Variants in CPSF2 observed in about 807,000 individuals in gnomAD.
CPSF2 encodes cleavage and polyadenylation specific factor 2, also known as cleavage and polyadenylation specificity factor subunit 2.
In CPSF2, 51 loss-of-function variants were observed where a neutral mutation model predicts 84.2. The ratio of observed to expected loss-of-function variants is 0.61; its 90% CI spans 0.48 to 0.77. CPSF2 has a LOEUF of 0.77. CPSF2 is among the 30% of genes least tolerant of loss of function. The pLI, the probability that CPSF2 is intolerant of heterozygous loss-of-function variation, is 0.00. For missense variants in CPSF2, 641 were observed against 929.4 expected, an observed-to-expected ratio of 0.69 and a Z score of 4.03; for synonymous variants, 286 against 311.9, an observed-to-expected ratio of 0.92 and a Z score of 0.87.
At chr14:92,159,953 G>GT (rs35509016) in intron 14 of CPSF2, among the ~76,000 whole-genome samples, 39,286 of 147,974 alleles carry the variant, frequency 0.27, 5,417 homozygotes, top group East Asian at 0.56. Context: ...AAGTCATACT[G>GT]TTTTTTTTTT....
At chr14:92,155,709 A>G (rs1269025614) in intron 11 of CPSF2, among the ~76,000 whole-genome samples, 1 of 151,698 alleles carries the variant, frequency 6.6e-6, no homozygotes, top group African/African-American at 2.4e-5. Flanking sequence ...TGGGAGGATC[A>G]CTTGAGCTCA....
intron 3 of CPSF2, among the ~76,000 whole-genome samples, chr14:92,131,336 C>T (rs1318231055): frequency 6.6e-6 from 1 of 152,108 alleles, no homozygotes; most frequent in African/African-American, 2.4e-5. Flanking sequence ...TGAAATTCAG[C>T]AAAATCTTAA....
Position 92,156,711 on chromosome 14 carries a change from C to T in CPSF2, c.1595+80C>T, listed in dbSNP as rs182865871. On this transcript the variant is annotated intron_variant, in intron 12 of 15. Transcript: ENST00000298875. ...TTGAATTATATAATTTACATTATGT[C>T]AAGCAAAATTTCTGAATATTCTTTA... 8.6e-4 allele frequency: 885 copies of T among 1,025,704 alleles called. 1 individual carries two copies. Among genetic ancestry groups the T allele is most frequent in the Middle Eastern group, 1.0e-3 (3 of 2,938 alleles). 63.5% of individuals were successfully genotyped at this position (1,025,704 alleles called of 1,614,324 possible). A position where few individuals can be genotyped will look rare whatever the true frequency, so the allele number is the denominator to read the frequency against.
chr14:92,131,102 T>A lies in CPSF2; in HGVS notation c.118T>A (p.Phe40Ile), dbSNP rs1193176660. The stretch of plus-strand genomic sequence containing the variant: ...ATTGGACTGTGGCTGGGATGAGCAC[T>A]TTTCTATGGATATTATTGATTCCCT... Reference protein sequence around the residue: ...FLLDCGWDEHFSMDIIDSLRK... With the variant: ...FLLDCGWDEHISMDIIDSLRK... Residue 40 changes from phenylalanine (F) to isoleucine (I), a missense_variant, in exon 3 of 16, where the codon TTT (phenylalanine) becomes ATT (isoleucine). Around this residue, in one of 2 missense-constraint regions of CPSF2, gnomAD observed 211 missense variants for 375.7 expected, o/e 0.56. Coordinates refer to ENST00000298875, the MANE Select transcript of CPSF2 (RefSeq NM_017437.3). 1 of 1,609,960 alleles carries A rather than the reference T, an allele frequency of 6.2e-7. No homozygotes were observed. The highest frequency in any genetic ancestry group is 8.5e-7 in the Non-Finnish European group (1 of 1,178,768).
intron 5 of CPSF2, 51 bp downstream of exon 5, chr14:92,134,406 C>A: frequency 1.7e-6 from 2 of 1,208,866 alleles, no homozygotes; most frequent in African/African-American, 1.5e-5. Flanking sequence ...GTTTAACTTG[C>A]TGGAAAATAC....
chr14:92,122,124 A>ACGAGGCAAGTGAGGGCGGGAGAAAGGAG lies in CPSF2; in HGVS notation c.-94+1_-94+28dup. 1 of 394,052 alleles carries ACGAGGCAAGTGAGGGCGGGAGAAAGGAG rather than the reference A, an allele frequency of 2.5e-6. No individual in the cohort carries two copies. Among genetic ancestry groups the ACGAGGCAAGTGAGGGCGGGAGAAAGGAG allele is most frequent in the Non-Finnish European group, 4.8e-6 (1 of 208,478 alleles). The allele number at this position is 394,052 out of a possible 1,614,324, so 24.4% of individuals were successfully genotyped here. On this transcript the variant is annotated 5_prime_UTR_variant, in exon 1 of 16. Transcript: ENST00000298875. ...TGTGGACGGCGTTGGGGGAGGCCTG[A>ACGAGGCAAGTGAGGGCGGGAGAAAGGAG]CGAGGCAAGTGAGGGCGGGAGAAAG...
chr14:92,154,977 CTA>C, intron 10 of CPSF2, 144 bp from the exon 11 acceptor site: 1 of 601,832 alleles, frequency 1.7e-6, no homozygotes, highest in Non-Finnish European at 2.9e-6. Flanking sequence ...TATATGTGGT[CTA>C]TTGTTGTTGA....
intron 1 of CPSF2, among the ~76,000 whole-genome samples, chr14:92,122,725 G>T (rs2068790072): frequency 6.6e-6 from 1 of 152,160 alleles, no homozygotes; most frequent in Admixed American, 6.5e-5. Flanking sequence ...GTGCTCTTTA[G>T]AAAAGAAGAG....
At chr14:92,125,947 T>G (rs997550671) in intron 1 of CPSF2, among the ~76,000 whole-genome samples, 175 bp from the exon 2 acceptor site, 3 of 152,338 alleles carry the variant, frequency 2.0e-5, no homozygotes, top group African/African-American at 7.2e-5. Context: ...TTATCTGTTA[T>G]GTAAGCTTAA....
chr14:92,143,185 A>G lies in CPSF2; in HGVS notation c.1031A>G (p.Gln344Arg). The G allele has an allele frequency of 6.2e-7, 1 of 1,614,104 alleles. No homozygotes were observed. The highest frequency in any genetic ancestry group is 8.5e-7 in the Non-Finnish European group (1 of 1,179,998). ...GGATTTTCAAGGGATCTCTTTATTC[A>G]GTGGTGTCAGGACCCTAAAAACTCA... ...ECGFSRDLFI[Q>R]WCQDPKNSII... is the part of the protein sequence containing the mutation. Residue 344 changes from glutamine (Q) to arginine (R), a missense_variant, in exon 9 of 16, where the codon CAG (glutamine) becomes CGG (arginine). By Grantham distance (43) the Gln-to-Arg change is conservative. Around this residue, in one of 2 missense-constraint regions of CPSF2, gnomAD observed 430 missense variants for 553.6 expected, o/e 0.78. Transcript: ENST00000298875.
chr14:92,159,694 A>G (rs576479625), intron 14 of CPSF2, among the ~76,000 whole-genome samples: 2 of 152,280 alleles, frequency 1.3e-5, no homozygotes, highest in Admixed American at 6.5e-5. Context: ...TTGAACATAA[A>G]ATATGTCTCA....
chr14:92,138,447 TGAGACGGA>T (rs1484319935), intron 7 of CPSF2, 100 bp downstream of exon 7: 1 of 559,040 alleles, frequency 1.8e-6, no homozygotes, highest in Non-Finnish European at 2.9e-6. Flanking sequence ...TTTTTTTTTT[TGAGACGGA>T]CTTTCGCTCT....
At chr14:92,140,232 G>A (rs1034703916) in intron 7 of CPSF2, among the ~76,000 whole-genome samples, 35 of 151,826 alleles carry the variant, frequency 2.3e-4, no homozygotes, top group Admixed American at 1.6e-3. Flanking sequence ...GATTACAGGC[G>A]TGAGCCACCG....
intron 7 of CPSF2, among the ~76,000 whole-genome samples, chr14:92,139,117 T>C (rs2069039503): frequency 6.6e-6 from 1 of 152,134 alleles, no homozygotes; most frequent in African/African-American, 2.4e-5. Flanking sequence ...TAGAAAAATA[T>C]ACTCTAAAAG....
intron 9 of CPSF2, among the ~76,000 whole-genome samples, chr14:92,144,315 G>A (rs918951331): frequency 5.9e-5 from 9 of 151,916 alleles, no homozygotes; most frequent in Admixed American, 1.3e-4. Flanking sequence ...CTTTTCCTTC[G>A]TCTTACCTCA....
intron 6 of CPSF2, among the ~76,000 whole-genome samples, chr14:92,136,719 T>C (rs2069004472): frequency 6.6e-6 from 1 of 152,230 alleles, no homozygotes; most frequent in Non-Finnish European, 1.5e-5. Context: ...TAAGTTTTCA[T>C]TTCTGCATTC....
At chr14:92,134,513 GAAT>G (rs1234021027) in intron 5 of CPSF2, among the ~76,000 whole-genome samples, 158 bp downstream of exon 5, 1 of 152,146 alleles carries the variant, frequency 6.6e-6, no homozygotes, top group Non-Finnish European at 1.5e-5. Context: ...ACTTCCATTT[GAAT>G]TTTAAAATAT....
chr14:92,161,176 T>C lies in CPSF2; in HGVS notation c.2186T>C (p.Leu729Ser). 1.2e-6 allele frequency: 2 copies of C among 1,614,004 alleles called. No individual in the cohort carries two copies. Among genetic ancestry groups the C allele is most frequent in the Non-Finnish European group, 1.7e-6 (2 of 1,179,928 alleles). ...PRLSDFKQVL[L>S]REGIQAEFVG... is the part of the protein sequence containing the mutation. ...CTGTCAGACTTCAAGCAAGTTCTCT[T>C]ACGGGAGGGGATTCAAGCTGAATTT... is the stretch of plus-strand genomic sequence containing the variant. The change falls in exon 15 of 16, where the codon TTA becomes TCA. Residue 729 changes from leucine to serine, a missense_variant. By Grantham distance (145) the Leu-to-Ser change is moderately radical (BLOSUM62 -2). This residue lies in a region of CPSF2 where 430 missense variants were observed against 553.6 expected (regional missense o/e 0.78). Transcript: ENST00000298875.
intron 9 of CPSF2, among the ~76,000 whole-genome samples, chr14:92,149,003 G>C (rs1453034040): frequency 6.6e-6 from 1 of 152,128 alleles, no homozygotes; most frequent in East Asian, 1.9e-4. Flanking sequence ...ATAGTACATT[G>C]TATATGTGTG....
Sources: gnomAD v4.1 joint callset for allele counts (sites outside exome capture counted in the v4.1 genomes callset) on GRCh38, gnomAD v4.1.1 for gene constraint, gnomAD v4.1.1 regional missense constraint, MANE v1.5 for transcripts, NCBI Gene and HGNC (gene_info 2026-07-23, HGNC 2026-07-21) for gene names.